Variants in PBX1 observed in about 807,000 individuals in gnomAD.
PBX1 encodes PBX homeobox 1.
PBX1 carries 6 observed loss-of-function variants against 53.4 expected under a neutral mutation model. That is an observed-to-expected ratio of 0.11 (90% CI 0.06 to 0.22). The LOEUF is 0.22. Among genes scored for constraint, PBX1 ranks in the 10% least tolerant of loss-of-function variants. The probability of loss-of-function intolerance (pLI) is 1.00; values close to 1 mark genes in which losing one functional copy is unlikely to be tolerated. For missense variants in PBX1, 251 were observed against 551.4 expected, an observed-to-expected ratio of 0.46 and a Z score of 5.46; for synonymous variants, 204 against 212.3, an observed-to-expected ratio of 0.96 and a Z score of 0.34.
At chr1:164,592,230 G>C (rs1329759573) in intron 2 of PBX1, among the ~76,000 whole-genome samples, 1 of 152,200 alleles carries the variant, frequency 6.6e-6, no homozygotes, top group Non-Finnish European at 1.5e-5. Flanking sequence ...TCTTCACAGG[G>C]CTCATAGTTT....
chr1:164,805,809 C>A (rs1669318960), intron 4 of PBX1, among the ~76,000 whole-genome samples: 1 of 152,184 alleles, frequency 6.6e-6, no homozygotes, highest in South Asian at 2.1e-4. Flanking sequence ...TGTACAATTT[C>A]TGATGCTGAG....
intron 2 of PBX1, among the ~76,000 whole-genome samples, chr1:164,750,668 T>G (rs1226944075): frequency 6.6e-6 from 1 of 152,170 alleles, no homozygotes; most frequent in Non-Finnish European, 1.5e-5. Context: ...AAAATGTTCA[T>G]TGTTCTTTTT....
At chr1:164,682,314 T>C (rs1661823547) in intron 2 of PBX1, 1 of 152,104 alleles carries the variant, frequency 6.6e-6, no homozygotes, top group South Asian at 2.1e-4. Flanking sequence ...TTGCAGGTAT[T>C]TCGAAAAAAG....
At chr1:164,600,449 A>T (rs371512614) in intron 2 of PBX1, among the ~76,000 whole-genome samples, 1 of 151,980 alleles carries the variant, frequency 6.6e-6, no homozygotes, top group South Asian at 2.1e-4. Context: ...GGGTTTCACA[A>T]TGTTAGTCAG....
At chr1:164,751,934 T>C (rs971978614) in intron 2 of PBX1, among the ~76,000 whole-genome samples, 3 of 152,080 alleles carry the variant, frequency 2.0e-5, no homozygotes, top group Non-Finnish European at 4.4e-5. Context: ...GTCTCAAATT[T>C]ATGAATATTG....
At chr1:164,622,126 C>T (rs1164186592) in intron 2 of PBX1, among the ~76,000 whole-genome samples, 4 of 152,112 alleles carry the variant, frequency 2.6e-5, no homozygotes, top group East Asian at 1.9e-4. Context: ...CTCTTCTTTC[C>T]GTGTGGGCCC....
chr1:164,744,557 G>A (rs1374859899), intron 2 of PBX1, among the ~76,000 whole-genome samples: 1 of 152,052 alleles, frequency 6.6e-6, no homozygotes, highest in Non-Finnish European at 1.5e-5. Context: ...ACAGAGGTAG[G>A]GTCTCATCTA....
intron 2 of PBX1, among the ~76,000 whole-genome samples, chr1:164,755,085 C>G (rs151115380): frequency 6.6e-6 from 1 of 152,216 alleles, no homozygotes; most frequent in African/African-American, 2.4e-5. Context: ...AGTCAACTGT[C>G]AGCTTCTCCA....
chr1:164,566,999 C>T (rs1394092797), intron 2 of PBX1, among the ~76,000 whole-genome samples: 1 of 151,972 alleles, frequency 6.6e-6, no homozygotes, highest in African/African-American at 2.4e-5. Flanking sequence ...CAATTAACAC[C>T]CCCATCACAG....
rs529710234 is a variant in PBX1, at chr1:164,809,197, T to C, written c.837+1520T>C. On this transcript the variant is annotated intron_variant, in intron 5 of 8. Coordinates refer to ENST00000420696, the MANE Select transcript of PBX1 (RefSeq NM_002585.4). ...CAAGTGTGGAATTCAGAATTTCAAC[T>C]TCCTGTTGAAGGTAAAAGGAATTCT... 2.0e-5 allele frequency among the ~76,000 whole-genome samples: 3 copies of C among 152,304 alleles called. No homozygotes were observed. The South Asian group carries it at 6.2e-4, about 32-fold the overall frequency.
Position 164,591,684 on chromosome 1 carries a change from C to T in PBX1, c.265+28373C>T, listed in dbSNP as rs530522052. ...GTGTGCATATTAAATAATACAGTGA[C>T]ATTTCTTTTTAATGTTTCCTAACCC... On this transcript the variant is annotated intron_variant, in intron 2 of 8. Coordinates refer to ENST00000420696, the MANE Select transcript of PBX1 (RefSeq NM_002585.4). Among the ~76,000 whole-genome samples, 10 of 152,306 alleles carry T rather than the reference C, an allele frequency of 6.6e-5. No homozygotes were observed. In the South Asian group the frequency reaches 8.3e-4, roughly 13 times the overall value.
chr1:164,613,225 C>CT (rs1657050977), intron 2 of PBX1, among the ~76,000 whole-genome samples: 1 of 152,126 alleles, frequency 6.6e-6, no homozygotes, highest in African/African-American at 2.4e-5. Flanking sequence ...AATTTGTGAG[C>CT]TATAGTGTTT....
At chr1:164,624,706 A>AT (rs1306128730) in intron 2 of PBX1, among the ~76,000 whole-genome samples, 3 of 152,176 alleles carry the variant, frequency 2.0e-5, no homozygotes, top group African/African-American at 7.2e-5. Flanking sequence ...TTAAACAAGC[A>AT]TTTTTTCAGT....
At chr1:164,793,385 C>T (rs1226264457) in intron 3 of PBX1, among the ~76,000 whole-genome samples, 2 of 152,112 alleles carry the variant, frequency 1.3e-5, no homozygotes, top group Admixed American at 6.5e-5. Flanking sequence ...GATTCTAATC[C>T]GGGCACTCCA....
intron 2 of PBX1, chr1:164,703,007 T>G (rs1430742920): frequency 7.0e-6 from 1 of 142,556 alleles, no homozygotes; most frequent in South Asian, 2.6e-4. Context: ...TGCAAATGTC[T>G]ATTATTAAAA....
At chr1:164,744,966 A>C (rs1571325676) in intron 2 of PBX1, among the ~76,000 whole-genome samples, 1 of 152,248 alleles carries the variant, frequency 6.6e-6, no homozygotes, top group Admixed American at 6.5e-5. Flanking sequence ...CATGTAATAC[A>C]CCAAACTTAC....
intron 1 of PBX1, among the ~76,000 whole-genome samples, chr1:164,562,434 C>T (rs1306035792): frequency 5.7e-5 from 8 of 141,528 alleles, no homozygotes; most frequent in African/African-American, 2.1e-4. Context: ...TTGTTTTGTT[C>T]CTCAAGTGCA....
chr1:164,570,448 A>T (rs1446955154), intron 2 of PBX1, among the ~76,000 whole-genome samples: 1 of 152,088 alleles, frequency 6.6e-6, no homozygotes, highest in Non-Finnish European at 1.5e-5. Context: ...TATGAGTGAG[A>T]ACATGCGGTG....
intron 8 of PBX1, chr1:164,828,793 G>A (rs947305001): frequency 3.3e-5 from 5 of 152,284 alleles, no homozygotes; most frequent in African/African-American, 1.2e-4. Context: ...GATTTCTGAA[G>A]ACAGTCTTCT....
Sources: gnomAD v4.1 joint callset for allele counts (sites outside exome capture counted in the v4.1 genomes callset) on GRCh38, gnomAD v4.1.1 for gene constraint, MANE v1.5 for transcripts, NCBI Gene and HGNC (gene_info 2026-07-23, HGNC 2026-07-21) for gene names.